TMPRSS15: variants seen among roughly 807,000 people sequenced by gnomAD.
TMPRSS15 encodes the protein transmembrane serine protease 15.
TMPRSS15 carries 128 observed loss-of-function variants against 125.3 expected under a neutral mutation model. That is an observed-to-expected ratio of 1.02 (90% confidence interval 0.89 to 1.18). TMPRSS15 has a LOEUF of 1.18. Among genes scored for constraint, TMPRSS15 ranks in the 50% most tolerant of loss-of-function variants. The probability of loss-of-function intolerance (pLI) is 0.00; values close to 1 mark genes in which losing one functional copy is unlikely to be tolerated. For missense variants in TMPRSS15, 1,283 were observed against 1,212.7 expected, an observed-to-expected ratio of 1.06 and a Z score of -0.86; for synonymous variants, 446 against 423.2, an observed-to-expected ratio of 1.05 and a Z score of -0.66.
chr21:18,297,687 T>C lies in TMPRSS15; in HGVS notation c.2261+47A>G, dbSNP rs776870121. 27 of 1,398,388 alleles carry C rather than the reference T, an allele frequency of 1.9e-5. No individual in the cohort carries two copies. The South Asian group carries it at 3.1e-4, about 16-fold the overall frequency. The allele number at this position is 1,398,388 out of a possible 1,614,324, so 86.6% of individuals were successfully genotyped here. ...TGACTGGCTTCAACAATCTATCTTC[T>C]GCCATGTCTATGTACAACTAGTCTA... On this transcript the variant is annotated intron_variant, in intron 19 of 24. Coordinates refer to ENST00000284885, the MANE Select transcript of TMPRSS15 (RefSeq NM_002772.3).
In TMPRSS15 at chr21:18,297,737, G is replaced by A; in HGVS notation, c.2258C>T (p.Pro753Leu). The change falls in exon 19 of 25, where the codon CCC becomes CTC. Residue 753 changes from proline (P) to leucine (L), a missense_variant. Coordinates refer to ENST00000284885, the MANE Select transcript of TMPRSS15 (RefSeq NM_002772.3). Reference protein sequence around the residue: ...TAPDGHLILTPSQQCLQDSLI... With the variant: ...TAPDGHLILTLSQQCLQDSLI... ...AAGAACAGATTTAGGGACCCACCTG[G>A]GTGTTAGTATTAAGTGGCCATCAGG... 3.1e-6 allele frequency: 5 copies of A among 1,611,582 alleles called. No individual in the cohort carries two copies. Among genetic ancestry groups the A allele is most frequent in the Non-Finnish European group, 3.4e-6 (4 of 1,177,772 alleles).
Position 18,305,327 on chromosome 21 carries a change from T to C in TMPRSS15, c.2166-7498A>G, listed in dbSNP as rs1238425619. On this transcript the variant is annotated intron_variant, in intron 18 of 24. Transcript: ENST00000284885. ...CCTCAGCCTCCCGAGTAGCTGGGAC[T>C]ACAGGCGCCCGCCACCGCGCCCGGC... Among the ~76,000 whole-genome samples, 6 of 151,794 alleles carry C rather than the reference T, an allele frequency of 4.0e-5. 1 individual carries two copies. The South Asian group carries it at 1.2e-3, about 32-fold the overall frequency.
chr21:18,454,989 T>C (rs1213680564), intron 1 of TMPRSS15, among the ~76,000 whole-genome samples: 5 of 152,090 alleles, frequency 3.3e-5, no homozygotes, highest in African/African-American at 4.8e-5. Context: ...ATAATCCCCA[T>C]GTGTCATGGG....
chr21:18,374,302 T>A (rs2075819432), intron 5 of TMPRSS15, among the ~76,000 whole-genome samples: 3 of 150,154 alleles, frequency 2.0e-5, no homozygotes, highest in Admixed American at 2.0e-4. Flanking sequence ...TGAAACCCCG[T>A]CTCTACTAAA....
chr21:18,347,785 CT>C (rs1206498342), intron 10 of TMPRSS15, among the ~76,000 whole-genome samples: 2 of 152,118 alleles, frequency 1.3e-5, no homozygotes, highest in African/African-American at 4.8e-5. Context: ...AACCCTTTGA[CT>C]TCCTTGAAAT....
chr21:18,308,726 T>C (rs1262743645), intron 18 of TMPRSS15, among the ~76,000 whole-genome samples: 2 of 152,098 alleles, frequency 1.3e-5, no homozygotes, highest in Non-Finnish European at 2.9e-5. Flanking sequence ...TTTCTCCTAA[T>C]GCTATCCCTC....
chr21:18,396,847 T>TATCTATCTATCTATCTATCTATC (rs200141519), intron 3 of TMPRSS15, among the ~76,000 whole-genome samples: 5 of 139,414 alleles, frequency 3.6e-5, no homozygotes, highest in African/African-American at 1.3e-4. Context: ...TCTATCTATC[T>TATCTATCTATCTATCTATCTATC]ATCTTAAGTC....
intron 1 of TMPRSS15, among the ~76,000 whole-genome samples, chr21:18,465,397 G>T (rs1187664965): frequency 6.6e-6 from 1 of 152,200 alleles, no homozygotes; most frequent in African/African-American, 2.4e-5. Flanking sequence ...CACAGTGTTA[G>T]AAGTTCTTGC....
intron 18 of TMPRSS15, among the ~76,000 whole-genome samples, chr21:18,310,849 A>G (rs1046780868): frequency 2.0e-5 from 3 of 151,990 alleles, no homozygotes; most frequent in Admixed American, 2.0e-4. Context: ...TAACTGGCAT[A>G]AAAATGGACA....
At chr21:18,457,103 TC>T (rs915092612) in intron 1 of TMPRSS15, among the ~76,000 whole-genome samples, 2 of 152,118 alleles carry the variant, frequency 1.3e-5, no homozygotes, top group African/African-American at 4.8e-5. Flanking sequence ...AGCCTCAATT[TC>T]CTATTGTGAA....
chr21:18,291,634 A>G (rs552593419), intron 21 of TMPRSS15, among the ~76,000 whole-genome samples: 2 of 152,318 alleles, frequency 1.3e-5, no homozygotes, highest in African/African-American at 4.8e-5. Flanking sequence ...AGAGACAGAT[A>G]AGAGCCAGTA....
At chr21:18,461,613 C>T (rs1369820419) in intron 1 of TMPRSS15, among the ~76,000 whole-genome samples, 1 of 152,072 alleles carries the variant, frequency 6.6e-6, no homozygotes, top group African/African-American at 2.4e-5. Context: ...AGAAATACTA[C>T]ACATTTTATG....
intron 3 of TMPRSS15, among the ~76,000 whole-genome samples, chr21:18,389,634 A>G (rs535551772): frequency 6.6e-6 from 1 of 152,244 alleles, no homozygotes; most frequent in South Asian, 2.1e-4. Context: ...ATAAAAGTCT[A>G]TGTTCATCAG....
chr21:18,332,151 C>T lies in TMPRSS15; in HGVS notation c.1587G>A (p.Glu529=), dbSNP rs1166195588. ...TGAATGTTGTATTTGGCTCCCACAG[C>T]TCAAAAGGTCCTCCACAGTCCGCTG... ...ELPTDCGGPF[E]LWEPNTTFSS... is the part of the protein sequence containing the mutation. Residue 529 remains glutamate, a synonymous_variant, in exon 14 of 25, where the codon GAG becomes GAA. Transcript: ENST00000284885. 3.7e-6 allele frequency: 6 copies of T among 1,613,980 alleles called. No individual in the cohort carries two copies. The highest frequency in any genetic ancestry group is 3.4e-6 in the Non-Finnish European group (4 of 1,179,976).
At chr21:18,371,246 C>T (rs895732237) in intron 6 of TMPRSS15, among the ~76,000 whole-genome samples, 1 of 152,094 alleles carries the variant, frequency 6.6e-6, no homozygotes, top group Non-Finnish European at 1.5e-5. Flanking sequence ...GAATGATGTG[C>T]AATTTTATAC....
Position 18,433,663 on chromosome 21 carries a change from C to CAAAAAAAAAAAAAAAAAAAAA in TMPRSS15, c.11-35355_11-35335dup, listed in dbSNP as rs58432155. Among the ~76,000 whole-genome samples, 7 of 62,442 alleles carry CAAAAAAAAAAAAAAAAAAAAA rather than the reference C, an allele frequency of 1.1e-4. 1 individual carries two copies. Among genetic ancestry groups the CAAAAAAAAAAAAAAAAAAAAA allele is most frequent in the East Asian group, 5.1e-4 (1 of 1,976 alleles). The allele number at this position is 62,442 out of a possible 152,430, so 41.0% of individuals were successfully genotyped here. ...TGGGTGAGAAAGTAAGACCTTGTCT[C>CAAAAAAAAAAAAAAAAAAAAA]AAAAAAAAAAAAAAAAAAAAAAAGA... On this transcript the variant is annotated intron_variant, in intron 1 of 7. Transcript: ENST00000422787.
At chr21:18,298,027 C>T (rs1236716741) in intron 18 of TMPRSS15, among the ~76,000 whole-genome samples, 198 bp from the exon 19 acceptor site, 5 of 152,140 alleles carry the variant, frequency 3.3e-5, no homozygotes, top group African/African-American at 9.7e-5. Context: ...TACCCATAAT[C>T]CCATGAAATG....
Position 18,275,348 on chromosome 21 carries a change from G to T in TMPRSS15, c.2765-12C>A. ...GTTTGCAGTAGTACCTGCTCAAAAT[G>T]GAGAATGCAGCCAGCCAGTCAGAAG... On this transcript the variant is annotated splice_polypyrimidine_tract_variant and intron_variant, in intron 23 of 24. Transcript: ENST00000284885. The T allele has an allele frequency of 6.2e-7, 1 of 1,613,604 alleles. No individual in the cohort carries two copies.
At chr21:18,327,966 T>G (rs1453190688) in intron 15 of TMPRSS15, among the ~76,000 whole-genome samples, 4 of 152,020 alleles carry the variant, frequency 2.6e-5, no homozygotes, top group Non-Finnish European at 5.9e-5. Flanking sequence ...GGCAGGAGGA[T>G]CGCTTAAACC....
Sources: gnomAD v4.1 joint callset for allele counts (sites outside exome capture counted in the v4.1 genomes callset) on GRCh38, gnomAD v4.1.1 for gene constraint, MANE v1.5 for transcripts, NCBI Gene and HGNC (gene_info 2026-07-23, HGNC 2026-07-21) for gene names.